Variants in CELF2 observed in about 807,000 individuals in gnomAD.
CELF2 encodes CUGBP Elav-like family member 2.
CELF2 carries 8 observed loss-of-function variants against 62.6 expected under a neutral mutation model. That is an observed-to-expected ratio of 0.13 (90% confidence interval 0.07 to 0.23). The LOEUF (loss-of-function observed/expected upper bound fraction) is 0.23, where lower values mean the gene tolerates loss of function less well. CELF2 is among the 10% of genes least tolerant of loss of function. CELF2 has a pLI of 1.00. For missense variants in CELF2, 333 were observed against 671.0 expected, an observed-to-expected ratio of 0.50 and a Z score of 5.56; for synonymous variants, 258 against 250.0, an observed-to-expected ratio of 1.03 and a Z score of -0.30.
intron 1 of CELF2, among the ~76,000 whole-genome samples, chr10:11,146,275 A>C (rs529208977): frequency 1.4e-4 from 21 of 152,346 alleles, no homozygotes; most frequent in Admixed American, 5.9e-4. Flanking sequence ...TATTTTCCAC[A>C]TGTTCATGTG....
chr10:11,289,673 C>G (rs944578345), intron 9 of CELF2, among the ~76,000 whole-genome samples: 2 of 152,158 alleles, frequency 1.3e-5, no homozygotes. Context: ...TGTACAGTGT[C>G]TTCAAAAACA....
chr10:11,328,027 G>A lies in CELF2; in HGVS notation c.1439-899G>A, dbSNP rs7895262. 1.6e-3 allele frequency among the ~76,000 whole-genome samples: 249 copies of A among 152,318 alleles called. No individual in the cohort carries two copies. Among genetic ancestry groups the A allele is most frequent in the Middle Eastern group, 0.014 (4 of 294 alleles). ...TGCTGCCTCCCCCAGTGCTGGAACA[G>A]ACTCTGGGACCAAGATCCTCTTGTC... On this transcript the variant is annotated intron_variant, in intron 12 of 12. Coordinates refer to ENST00000633077, the MANE Select transcript of CELF2 (RefSeq NM_001326342.2). This position sits in a 1 kb window ranked among gnomAD's most constrained non-coding sequence, Gnocchi z 6.4.
intron 1 of CELF2, among the ~76,000 whole-genome samples, chr10:11,054,489 T>TG (rs1554804023): frequency 1.0e-4 from 15 of 149,476 alleles, no homozygotes; most frequent in South Asian, 2.1e-4. Flanking sequence ...GTATGTGTGT[T>TG]TGTGTGTGTG....
Position 11,297,208 on chromosome 10 carries a change from G to A in CELF2, c.976+8656G>A, listed in dbSNP as rs1402907285. On this transcript the variant is annotated intron_variant, in intron 9 of 12. Coordinates refer to ENST00000633077, the MANE Select transcript of CELF2 (RefSeq NM_001326342.2). This position sits in a 1 kb window ranked among gnomAD's most constrained non-coding sequence, Gnocchi z 4.4. The stretch of plus-strand genomic sequence containing the variant: ...AAGCTGTCATATAAAATGATCGGAC[G>A]TGGCACATGGAGAGCTCAAGTGCAC... 2.0e-5 allele frequency among the ~76,000 whole-genome samples: 3 copies of A among 152,170 alleles called. No homozygotes were observed. Among genetic ancestry groups the A allele is most frequent in the South Asian group, 2.1e-4 (1 of 4,832 alleles).
chr10:11,142,151 T>C (rs1306224818), intron 1 of CELF2, among the ~76,000 whole-genome samples: 1 of 152,220 alleles, frequency 6.6e-6, no homozygotes, highest in Non-Finnish European at 1.5e-5. Context: ...TAGATGACAA[T>C]GTGGTACGTT....
intron 3 of CELF2, among the ~76,000 whole-genome samples, chr10:11,238,369 CA>C: frequency 6.6e-6 from 1 of 152,286 alleles, no homozygotes; most frequent in African/African-American, 2.4e-5. Context: ...TGAATCTTTC[CA>C]TTTATCTCCA....
At chr10:10,878,222 G>A (rs2061233788) in intron 1 of CELF2, among the ~76,000 whole-genome samples, 1 of 152,148 alleles carries the variant, frequency 6.6e-6, no homozygotes, top group African/African-American at 2.4e-5. Flanking sequence ...CTCTCTGCTA[G>A]AAGGAAAGAT....
chr10:10,639,513 G>T, the CELF2 span, among the ~76,000 whole-genome samples: 10 of 152,076 alleles, frequency 6.6e-5, no homozygotes, highest in African/African-American at 2.4e-4. Context: ...TATTAAATTC[G>T]CTTGTTTTAA....
chr10:11,222,615 G>A (rs929969978), intron 3 of CELF2, among the ~76,000 whole-genome samples: 11 of 152,214 alleles, frequency 7.2e-5, no homozygotes, highest in African/African-American at 2.7e-4. Flanking sequence ...CTAGATACCA[G>A]GGAATACTGT....
intron 1 of CELF2, among the ~76,000 whole-genome samples, chr10:11,130,790 G>A (rs1372074024): frequency 6.6e-6 from 1 of 152,202 alleles, no homozygotes; most frequent in African/African-American, 2.4e-5. Flanking sequence ...CCCACTAAAT[G>A]TGAGAATTCC....
intron 9 of CELF2, among the ~76,000 whole-genome samples, chr10:11,308,851 G>A (rs2094415824): frequency 6.6e-6 from 1 of 152,304 alleles, no homozygotes; most frequent in East Asian, 1.9e-4. Flanking sequence ...TAGGCAGTAT[G>A]ATTTTCTTAG....
the CELF2 span, among the ~76,000 whole-genome samples, chr10:10,581,015 T>G: frequency 6.6e-6 from 1 of 152,224 alleles, no homozygotes. Flanking sequence ...ACAATTCCAC[T>G]CCATAGTCAT....
At chr10:11,135,061 G>A (rs1036756606) in intron 1 of CELF2, among the ~76,000 whole-genome samples, 8 of 152,256 alleles carry the variant, frequency 5.3e-5, no homozygotes, top group African/African-American at 1.9e-4. Flanking sequence ...ATGGGTGTTA[G>A]GTTGACTTGA....
At chr10:10,980,243 G>A (rs935207533) in intron 2 of CELF2, among the ~76,000 whole-genome samples, 12 of 152,280 alleles carry the variant, frequency 7.9e-5, no homozygotes, top group Non-Finnish European at 1.3e-4. Context: ...ATCTCTGCTG[G>A]TGCTCCACTT....
At chr10:10,589,303 C>T in the CELF2 span, among the ~76,000 whole-genome samples, 8 of 152,170 alleles carry the variant, frequency 5.3e-5, no homozygotes, top group East Asian at 1.9e-4. Context: ...GCAGATGAAG[C>T]TTCCCACTTA....
intron 1 of CELF2, among the ~76,000 whole-genome samples, chr10:11,051,993 C>T (rs1430196002): frequency 6.6e-6 from 1 of 151,578 alleles, no homozygotes; most frequent in Non-Finnish European, 1.5e-5. Context: ...CCAACCTCCA[C>T]CTACCAGGCT....
intron 1 of CELF2, among the ~76,000 whole-genome samples, chr10:10,849,795 A>C (rs1312688432): frequency 1.3e-5 from 2 of 152,076 alleles, no homozygotes; most frequent in East Asian, 3.9e-4. Flanking sequence ...GTGTATATGT[A>C]TATGGATAAA....
the CELF2 span, among the ~76,000 whole-genome samples, chr10:10,547,106 T>TA: frequency 1.4e-4 from 21 of 152,102 alleles, no homozygotes; most frequent in African/African-American, 5.1e-4. Context: ...GACTCTGTCT[T>TA]AAAAAAATTG....
the CELF2 span, among the ~76,000 whole-genome samples, chr10:10,653,027 C>T: frequency 1.3e-5 from 2 of 152,110 alleles, no homozygotes; most frequent in Admixed American, 6.5e-5. Context: ...GGAAGATCTA[C>T]CAAGCAAATG....
Sources: gnomAD v4.1 joint callset for allele counts (sites outside exome capture counted in the v4.1 genomes callset) on GRCh38, gnomAD v4.1.1 for gene constraint, Gnocchi (gnomAD v3.1) non-coding constraint, MANE v1.5 for transcripts, NCBI Gene and HGNC (gene_info 2026-07-23, HGNC 2026-07-21) for gene names.